MUC3A: variants seen among roughly 807,000 people sequenced by gnomAD.
MUC3A encodes mucin 3A, cell surface associated, also known as mucin-3A.
In MUC3A, 109 loss-of-function variants were observed where a neutral mutation model predicts 109.0. The ratio of observed to expected loss-of-function variants is 1.00; its 90% CI spans 0.86 to 1.17. MUC3A has a LOEUF of 1.17. Among genes scored for constraint, MUC3A ranks in the 50% most tolerant of loss-of-function variants. The probability of loss-of-function intolerance (pLI) is 0.00; values close to 1 mark genes in which losing one functional copy is unlikely to be tolerated. For missense variants in MUC3A, 3,537 were observed against 2,469.4 expected (o/e 1.43, Z -9.16); for synonymous variants, 1,398 against 981.4 (o/e 1.42, Z -7.93).
chr7:100,964,602 C>G, intron 5 of MUC3A, 93 bp from the exon 6 acceptor site: 1 of 1,502,146 alleles, frequency 6.7e-7, no homozygotes, highest in Non-Finnish European at 8.9e-7. Context: ...TCCCTTCCCC[C>G]TTCTGGTGCA....
In MUC3A at chr7:100,959,994, AC is replaced by A; in HGVS notation, c.8217del (p.Ser2740AlafsTer9). On this transcript the variant is annotated frameshift_variant, in exon 2 of 12. Transcript: ENST00000379458. LOFTEE classifies it high-confidence loss of function. ...GFPSLSSSAT[T>X]STSSTSSSLT... The stretch of plus-strand genomic sequence containing the variant: ...TCCTAGTCTCTCTTCCTCTGCAACT[AC>A]CAGCACTTCTTCAACCAGCTCCTCT... The A allele has an allele frequency of 6.6e-7, 1 of 1,506,580 alleles. No homozygotes were observed. The allele number at this position is 1,506,580 out of a possible 1,614,324, so 93.3% of individuals were successfully genotyped here. A position where few individuals can be genotyped will look rare whatever the true frequency, so the allele number is the denominator to read the frequency against.
chr7:100,961,115 C>T, intron 3 of MUC3A, 178 bp downstream of exon 3: 1 of 975,466 alleles, frequency 1.0e-6, no homozygotes, highest in Non-Finnish European at 1.2e-6. Context: ...CGTCCTCACC[C>T]TTAGGAGGTG....
Position 100,963,717 on chromosome 7 carries a change from C to T in MUC3A, c.9198C>T (p.Gly3066=), listed in dbSNP as rs950427835. The T allele has an allele frequency of 5.0e-6, 8 of 1,598,400 alleles. No individual in the cohort carries two copies. Among genetic ancestry groups the T allele is most frequent in the African/African-American group, 1.3e-5 (1 of 74,962 alleles). ...QMQKIFADMQ[G]FTFKGVEILS... is the part of the protein sequence containing the mutation. The stretch of plus-strand genomic sequence containing the variant: ...AGAAGATTTTTGCAGACATGCAGGG[C>T]TTCACCTTCAAGGGTGTGGAGATCC... The change falls in exon 5 of 12, where the codon GGC becomes GGT. Residue 3066 remains glycine, a synonymous_variant. Coordinates refer to ENST00000379458, the MANE Select transcript of MUC3A (RefSeq NM_005960.2).
In MUC3A at chr7:100,955,791, C is replaced by A. The variant is rs1257543449; in HGVS notation, c.4012C>A (p.Pro1338Thr). Reference protein sequence around the residue: ...TSFTTSPTMEPPSTTVATTGT... With the variant: ...TSFTTSPTMETPSTTVATTGT... ...ATTCACCACATCCCCAACGATGGAA[C>A]CACCTTCAACCACTGTAGCGACTAC... Residue 1338 changes from proline (P) to threonine (T), a missense_variant, in exon 2 of 12, where the codon CCA becomes ACA. Coordinates refer to ENST00000379458, the MANE Select transcript of MUC3A (RefSeq NM_005960.2). The A allele has an allele frequency of 5.8e-6, 2 of 346,920 alleles. No homozygotes were observed. Among genetic ancestry groups the A allele is most frequent in the South Asian group, 2.7e-4 (2 of 7,456 alleles). 21.5% of individuals were successfully genotyped at this position (346,920 alleles called of 1,614,324 possible).
In MUC3A at chr7:100,952,456, C is replaced by G. The variant is rs1244288618; in HGVS notation, c.677C>G (p.Thr226Arg). Residue 226 changes from threonine to arginine, a missense_variant, in exon 2 of 12, where the codon ACA becomes AGA. By Grantham distance (71) the Thr-to-Arg change is moderately conservative. Transcript: ENST00000379458. ...HTTISSTTRT[T>R]ERTPLPTGSI... is the part of the protein sequence containing the mutation. Reference sequence around the variant, plus strand: ...ACAATCTCGTCTACAACTAGAACCACAGAAAGGACTCCCCTGCCCACTGGA... The same window carrying G: ...ACAATCTCGTCTACAACTAGAACCAGAGAAAGGACTCCCCTGCCCACTGGA... 1.3e-6 allele frequency: 2 copies of G among 1,598,590 alleles called. No homozygotes were observed. The highest frequency in any genetic ancestry group is 1.7e-6 in the Non-Finnish European group (2 of 1,179,802).
rs749479788 is a variant in MUC3A at position 100,959,429 on chromosome 7, T to C, written c.7650T>C (p.Thr2550=). The C allele has an allele frequency of 4.5e-6, 7 of 1,542,008 alleles. No individual in the cohort carries two copies. Among genetic ancestry groups the C allele is most frequent in the Non-Finnish European group, 6.1e-6 (7 of 1,156,182 alleles). ...GCACCACCTCTCCCACCATGTCCAC[T>C]GTGAGAATGACCCTCAGAATTACTG... The part of the protein sequence containing the change: ...LVGTTSPTMS[T]VRMTLRITEN... The change falls in exon 2 of 12, where the codon ACT becomes ACC. Residue 2550 remains threonine (T), a synonymous_variant. Coordinates refer to ENST00000379458, the MANE Select transcript of MUC3A (RefSeq NM_005960.2).
In MUC3A at chr7:100,966,662, C is replaced by G. The variant is rs1426120415; in HGVS notation, c.9796C>G (p.Gln3266Glu). 1 of 1,598,548 alleles carries G rather than the reference C, an allele frequency of 6.3e-7. No individual in the cohort carries two copies. The highest frequency in any genetic ancestry group is 2.2e-5 in the East Asian group (1 of 44,890). ...GGCGGCCCCACCTAGGTCCTGGGAC[C>G]AGGACAGGAAATGGTTCGAGACCTG... ...GGQRRGRSWD[Q>E]DRKWFETWDE... Residue 3266 changes from glutamine (Q) to glutamate (E), a missense_variant, in exon 10 of 12, where the codon CAG becomes GAG. By Grantham distance (29) the Gln-to-Glu change is conservative (BLOSUM62 2). Coordinates refer to ENST00000379458, the MANE Select transcript of MUC3A (RefSeq NM_005960.2).
intron 7 of MUC3A, 57 bp from the exon 8 acceptor site, chr7:100,965,647 C>T: frequency 6.4e-7 from 1 of 1,558,982 alleles, no homozygotes; most frequent in Admixed American, 1.8e-5. Flanking sequence ...GTTATCAGGC[C>T]CCTGAATAGA....
At chr7:100,964,911 G>A (rs762101595) in intron 6 of MUC3A, 68 bp downstream of exon 6, 1 of 1,521,372 alleles carries the variant, frequency 6.6e-7, no homozygotes, top group Non-Finnish European at 8.8e-7. Context: ...GCTCAGCCAG[G>A]GGGCCACTGG....
Position 100,958,344 on chromosome 7 carries a change from A to C in MUC3A, c.6565A>C (p.Thr2189Pro), listed in dbSNP as rs1792160097. 7 of 204,194 alleles carry C rather than the reference A, an allele frequency of 3.4e-5. No homozygotes were observed. Among genetic ancestry groups the C allele is most frequent in the South Asian group, 2.8e-4 (7 of 25,044 alleles). 12.6% of individuals were successfully genotyped at this position (204,194 alleles called of 1,614,324 possible). The change falls in exon 2 of 12, where the codon ACT (threonine) becomes CCT (proline). Residue 2189 changes from threonine to proline, a missense_variant. Thr to Pro is a conservative substitution (Grantham distance 38). Transcript: ENST00000379458. Reference protein sequence around the residue: ...ETTSYSTPSFTSSNTITETTS... With the variant: ...ETTSYSTPSFPSSNTITETTS... Reference sequence around the variant, plus strand: ...CACATCCTACAGTACTCCCAGCTTCACTTCTTCAAATACCATCACTGAGAC... The same window carrying C: ...CACATCCTACAGTACTCCCAGCTTCCCTTCTTCAAATACCATCACTGAGAC...
chr7:100,962,650 CTTTT>C (rs1792367526), intron 3 of MUC3A, among the ~76,000 whole-genome samples: 1 of 16,192 alleles, frequency 6.2e-5, no homozygotes, highest in African/African-American at 5.8e-4. Flanking sequence ...TTCTTCTTTT[CTTTT>C]GTCTCTTTCT....
rs1792139971 is a variant in MUC3A, at chr7:100,957,748, C to T, written c.5969C>T (p.Pro1990Leu). 41 of 1,345,898 alleles carry T rather than the reference C, an allele frequency of 3.0e-5. No individual in the cohort carries two copies. Among genetic ancestry groups the T allele is most frequent in the Non-Finnish European group, 4.2e-5 (40 of 960,144 alleles). 83.4% of individuals were successfully genotyped at this position (1,345,898 alleles called of 1,614,324 possible). A position where few individuals can be genotyped will look rare whatever the true frequency, so the allele number is the denominator to read the frequency against. ...ACCAAGACCACCTCACACAGTACTC[C>T]CAGCTACACTTCTTTGATCACCACA... Reference protein sequence around the residue: ...TTTKTTSHSTPSYTSLITTTT... With the variant: ...TTTKTTSHSTLSYTSLITTTT... Residue 1990 changes from proline (P) to leucine (L), a missense_variant, in exon 2 of 12, where the codon CCC (proline) becomes CTC (leucine). By Grantham distance (98) the Pro-to-Leu change is moderately conservative. Transcript: ENST00000379458.
chr7:100,965,290 T>A lies in MUC3A; in HGVS notation c.9391T>A (p.Phe3131Ile), dbSNP rs779809723. The part of the protein sequence containing the change: ...NSCQDSQTLC[F>I]KPDSIKVNNN... ...TGCCTGTGTTTCCGCAGCCCTGTGTTTTAAGCCTGACTCCATCAAGGTGAA... is the reference window on the plus strand; with the variant it reads ...TGCCTGTGTTTCCGCAGCCCTGTGTATTAAGCCTGACTCCATCAAGGTGAA... The change falls in exon 7 of 12, where the codon TTT becomes ATT. Residue 3131 changes from phenylalanine (F) to isoleucine (I), a missense_variant. Transcript: ENST00000379458. The A allele has an allele frequency of 2.5e-6, 4 of 1,599,222 alleles. No individual in the cohort carries two copies. The South Asian group carries it at 4.4e-5, about 18-fold the overall frequency.
In MUC3A at chr7:100,952,342, C is replaced by T. The variant is rs1488818371; in HGVS notation, c.563C>T (p.Ser188Phe). 1.3e-6 allele frequency: 2 copies of T among 1,598,476 alleles called. No individual in the cohort carries two copies. The highest frequency in any genetic ancestry group is 1.7e-6 in the Non-Finnish European group (2 of 1,179,736). Residue 188 changes from serine (S) to phenylalanine (F), a missense_variant, in exon 2 of 12, where the codon TCT (serine) becomes TTT (phenylalanine). Coordinates refer to ENST00000379458, the MANE Select transcript of MUC3A (RefSeq NM_005960.2). Reference protein sequence around the residue: ...TTEKGTSAMTSSPSTTTARET... With the variant: ...TTEKGTSAMTFSPSTTTARET... ...GAGAAAGGAACGTCAGCCATGACATCTTCTCCCTCTACCACCACTGCAAGG... is the reference window on the plus strand; with the variant it reads ...GAGAAAGGAACGTCAGCCATGACATTTTCTCCCTCTACCACCACTGCAAGG...
intron 3 of MUC3A, 42 bp downstream of exon 3, chr7:100,960,979 GGT>G: frequency 6.3e-7 from 1 of 1,598,362 alleles, no homozygotes; most frequent in Non-Finnish European, 8.5e-7. Flanking sequence ...CCTCCCACAG[GGT>G]GTCACTGACT....
At position 100,955,817 on chromosome 7, in the gene MUC3A, A is replaced by G. The variant is rs1792081094; in HGVS notation, c.4038A>G (p.Thr1346=). 3 of 447,764 alleles carry G rather than the reference A, an allele frequency of 6.7e-6. No homozygotes were observed. Among genetic ancestry groups the G allele is most frequent in the Non-Finnish European group, 1.2e-5 (3 of 256,778 alleles). 27.7% of individuals were successfully genotyped at this position (447,764 alleles called of 1,614,324 possible). The change falls in exon 2 of 12, where the codon ACA becomes ACG. Residue 1346 remains threonine (T), a synonymous_variant. Coordinates refer to ENST00000379458, the MANE Select transcript of MUC3A (RefSeq NM_005960.2). ...MEPPSTTVAT[T]GTGQTTFPSS... ...CACCTTCAACCACTGTAGCGACTACAGGCACAGGTCAGACCACCTTCCCCA... is the reference window on the plus strand; with the variant it reads ...CACCTTCAACCACTGTAGCGACTACGGGCACAGGTCAGACCACCTTCCCCA...
In MUC3A at chr7:100,967,149, C is replaced by T. The variant is rs587655393; in HGVS notation, c.9959C>T (p.Ser3320Leu). The T allele has an allele frequency of 1.9e-6, 3 of 1,598,554 alleles. No homozygotes were observed. Among genetic ancestry groups the T allele is most frequent in the East Asian group, 2.2e-5 (1 of 44,892 alleles). The change falls in exon 12 of 12, where the codon TCG becomes TTG. Residue 3320 changes from serine (S) to leucine (L), a missense_variant. Transcript: ENST00000379458. ...CACATCAAGAGACCCGAGATGACCT[C>T]GTCCTCAGTGTGAGCCCTGCGGGGC... ...KVHIKRPEMT[S>L]SSV
rs1373950036 is a variant in MUC3A, at chr7:100,966,727, C to T, written c.9861C>T (p.Phe3287=). ...EVVGTFSNWG[F]EDDGTDKDTN... is the part of the protein sequence containing the mutation. ...TGGGCACTTTTTCAAACTGGGGTTT[C>T]GAGGACGACGGAACAGGTGAGTCCT... is the stretch of plus-strand genomic sequence containing the variant. Residue 3287 remains phenylalanine, a synonymous_variant, in exon 10 of 12, where the codon TTC becomes TTT. Transcript: ENST00000379458. The T allele has an allele frequency of 1.3e-6, 2 of 1,598,430 alleles. No homozygotes were observed. The highest frequency in any genetic ancestry group is 1.7e-6 in the Non-Finnish European group (2 of 1,179,836).
rs1237136724 is a variant in MUC3A, at chr7:100,965,731, G to T, written c.9476G>T (p.Gly3159Val). ...AAICRRAAPT[G>V]YEEFYFPLVE... The stretch of plus-strand genomic sequence containing the variant: ...ATCTGCCGCCGCGCCGCTCCCACGG[G>T]CTATGAAGAGTTCTACTTCCCCTTG... Residue 3159 changes from glycine (G) to valine (V), a missense_variant, in exon 8 of 12, where the codon GGC (glycine) becomes GTC (valine). Physicochemically the swap from Gly to Val is moderately radical, Grantham distance 109. Transcript: ENST00000379458. 2 of 1,598,312 alleles carry T rather than the reference G, an allele frequency of 1.3e-6. No individual in the cohort carries two copies. The highest frequency in any genetic ancestry group is 1.7e-6 in the Non-Finnish European group (2 of 1,179,738).
Sources: gnomAD v4.1 joint callset for allele counts (sites outside exome capture counted in the v4.1 genomes callset) on GRCh38, gnomAD v4.1.1 for gene constraint, MANE v1.5 for transcripts, NCBI Gene and HGNC (gene_info 2026-07-23, HGNC 2026-07-21) for gene names.